The following IQCM variants were observed in gnomAD, a reference collection of about 807,000 sequenced individuals.
The protein encoded by IQCM is IQ motif containing M.
IQCM carries 45 observed loss-of-function variants against 57.6 expected under a neutral mutation model. The ratio of observed to expected loss-of-function variants is 0.78; its 90% confidence interval spans 0.62 to 1.00. The LOEUF (loss-of-function observed/expected upper bound fraction) is 1.00. Ranked by LOEUF, IQCM falls within the 50% of genes least tolerant of loss-of-function variation. The pLI is 0.00. For synonymous variants in IQCM, 148 were observed against 158.9 expected (o/e 0.93, Z 0.51); for missense variants, 468 against 511.6 (o/e 0.91, Z 0.82).
At chr4:149,710,510 A>G (rs1375490765) in intron 5 of IQCM, among the ~76,000 whole-genome samples, 2 of 152,066 alleles carry the variant, frequency 1.3e-5, no homozygotes, top group African/African-American at 2.4e-5. Flanking sequence ...ATCCATGCCC[A>G]TATTCTTGTT....
intron 8 of IQCM, among the ~76,000 whole-genome samples, chr4:149,614,834 G>C (rs538765271): frequency 6.6e-6 from 1 of 152,328 alleles, no homozygotes; most frequent in Non-Finnish European, 1.5e-5. Context: ...CAGGCTGCGA[G>C]CTGGACAAGC....
intron 12 of IQCM, among the ~76,000 whole-genome samples, chr4:149,515,072 GTGTGT>G: frequency 2.5e-3 from 1 of 396 alleles, no homozygotes; most frequent in East Asian, 0.5. Context: ...ATATATACAC[GTGTGT>G]GTGTGTGTGT....
At chr4:149,394,563 A>G (rs893307681) in intron 13 of IQCM, among the ~76,000 whole-genome samples, 2 of 151,934 alleles carry the variant, frequency 1.3e-5, no homozygotes, top group Non-Finnish European at 1.5e-5. Context: ...CTGGCAGGTC[A>G]TCTCACTTTC....
chr4:149,450,625 T>C (rs1737008438), intron 12 of IQCM, among the ~76,000 whole-genome samples: 1 of 151,796 alleles, frequency 6.6e-6, no homozygotes, highest in African/African-American at 2.4e-5. Context: ...ACATCAGTGA[T>C]CATCAGAGAA....
At chr4:149,502,291 C>T (rs1378195992) in intron 12 of IQCM, among the ~76,000 whole-genome samples, 2 of 151,680 alleles carry the variant, frequency 1.3e-5, no homozygotes, top group African/African-American at 2.4e-5. Flanking sequence ...GATTCTTAAA[C>T]CAGAGATGAA....
chr4:149,449,179 A>G (rs1246311129), intron 12 of IQCM, among the ~76,000 whole-genome samples: 1 of 136,452 alleles, frequency 7.3e-6, no homozygotes, highest in South Asian at 2.8e-4. Context: ...TTCCCCCCCA[A>G]CCCGCCACCC....
chr4:149,675,480 G>A lies in IQCM; in HGVS notation c.565+6638C>T, dbSNP rs372298164. On this transcript the variant is annotated intron_variant, in intron 7 of 13. Transcript: ENST00000636793. ...AGGGCACAGGTTTCAGTTAGGCCAG[G>A]AAGGGGAAGGAAACATTCAGATGAG... Among the ~76,000 whole-genome samples the A allele has an allele frequency of 2.3e-4, 35 of 152,130 alleles. No individual in the cohort carries two copies. The East Asian group carries it at 4.1e-3, about 18-fold the overall frequency.
At chr4:149,651,054 A>C (rs1759127710) in intron 7 of IQCM, among the ~76,000 whole-genome samples, 1 of 152,202 alleles carries the variant, frequency 6.6e-6, no homozygotes, top group Admixed American at 6.5e-5. Context: ...GAAGACATCC[A>C]TAACCCTAAA....
chr4:149,643,715 T>G (rs146439217), intron 7 of IQCM, among the ~76,000 whole-genome samples: 1 of 152,128 alleles, frequency 6.6e-6, no homozygotes, highest in African/African-American at 2.4e-5. Context: ...CAGAGAGGCT[T>G]GTCAGTCAGG....
intron 13 of IQCM, among the ~76,000 whole-genome samples, chr4:149,432,974 A>G (rs1218338031): frequency 6.6e-6 from 1 of 152,014 alleles, no homozygotes; most frequent in Non-Finnish European, 1.5e-5. Context: ...GATTGTACCA[A>G]CTGTTGATAG....
chr4:149,429,596 G>C (rs1734683785), intron 13 of IQCM, among the ~76,000 whole-genome samples: 1 of 151,846 alleles, frequency 6.6e-6, no homozygotes, highest in South Asian at 2.1e-4. Flanking sequence ...TTACTCCTTG[G>C]TTCTTGCTGT....
At chr4:149,679,861 C>G (rs1457078755) in intron 7 of IQCM, among the ~76,000 whole-genome samples, 1 of 151,276 alleles carries the variant, frequency 6.6e-6, no homozygotes, top group South Asian at 2.1e-4. Flanking sequence ...TTTGTGCAGA[C>G]TTTTTAGACT....
chr4:149,491,144 T>G (rs1742051462), intron 12 of IQCM, among the ~76,000 whole-genome samples: 1 of 152,118 alleles, frequency 6.6e-6, no homozygotes, highest in African/African-American at 2.4e-5. Context: ...TTGGAGTTTT[T>G]TAACAGGTGA....
In IQCM at chr4:149,518,060, C is replaced by T. The variant is rs150977716; in HGVS notation, c.1228+30395G>A. Reference sequence around the variant, plus strand: ...TTATAGTAATGACACAAGCATATTTCGAGTCTCTGCTGGTGTCACATCTAC... The same window carrying T: ...TTATAGTAATGACACAAGCATATTTTGAGTCTCTGCTGGTGTCACATCTAC... On this transcript the variant is annotated intron_variant, in intron 12 of 13. Coordinates refer to ENST00000636793, the MANE Select transcript of IQCM (RefSeq NM_001363507.2). Among the ~76,000 whole-genome samples the T allele has an allele frequency of 2.2e-3, 336 of 152,292 alleles. 4 individuals are homozygous for T. The highest frequency in any genetic ancestry group is 7.3e-3 in the African/African-American group (304 of 41,556).
At chr4:149,536,072 G>A (rs1747262961) in intron 12 of IQCM, among the ~76,000 whole-genome samples, 1 of 152,020 alleles carries the variant, frequency 6.6e-6, no homozygotes, top group African/African-American at 2.4e-5. Context: ...ATCTTTCAGG[G>A]TTGCTCTTTG....
At chr4:149,531,348 G>C (rs1746728360) in intron 12 of IQCM, among the ~76,000 whole-genome samples, 1 of 152,080 alleles carries the variant, frequency 6.6e-6, no homozygotes, top group African/African-American at 2.4e-5. Flanking sequence ...AAACATTTGA[G>C]AAGATATTTT....
chr4:149,357,937 T>A (rs1474995065), intron 13 of IQCM, among the ~76,000 whole-genome samples: 1 of 152,206 alleles, frequency 6.6e-6, no homozygotes, highest in Non-Finnish European at 1.5e-5. Context: ...GTTATTGGTC[T>A]ATTCAGAAAT....
At chr4:149,445,258 C>T (rs941894610) in intron 12 of IQCM, among the ~76,000 whole-genome samples, 9 of 151,688 alleles carry the variant, frequency 5.9e-5, no homozygotes, top group African/African-American at 1.9e-4. Flanking sequence ...AAATGGGCAA[C>T]AGGACTGTCA....
intron 13 of IQCM, among the ~76,000 whole-genome samples, chr4:149,376,898 T>G (rs1485147702): frequency 6.6e-6 from 1 of 152,130 alleles, no homozygotes; most frequent in Non-Finnish European, 1.5e-5. Context: ...CAGATTGTAT[T>G]TGCTTTAAAT....
Sources: gnomAD v4.1 joint callset for allele counts (sites outside exome capture counted in the v4.1 genomes callset) on GRCh38, gnomAD v4.1.1 for gene constraint, MANE v1.5 for transcripts, NCBI Gene and HGNC (gene_info 2026-07-23, HGNC 2026-07-21) for gene names.